The following RIMS2 variants were observed in gnomAD, a reference collection of about 807,000 sequenced individuals.
The protein encoded by RIMS2 is regulating synaptic membrane exocytosis 2, also known as regulating synaptic membrane exocytosis protein 2.
Under a neutral mutation model 174.4 loss-of-function variants are expected in RIMS2, and 59 were observed. That is an observed-to-expected ratio of 0.34 (90% CI 0.27 to 0.42). The LOEUF is 0.42. RIMS2 is among the 10% of genes least tolerant of loss of function. The pLI, the probability that RIMS2 is intolerant of heterozygous loss-of-function variation, is 1.00. For synonymous variants in RIMS2, 606 were observed against 572.5 expected, an observed-to-expected ratio of 1.06 and a Z score of -0.84; for missense variants, 1,620 against 1,666.3, an observed-to-expected ratio of 0.97 and a Z score of 0.48.
intron 19 of RIMS2, among the ~76,000 whole-genome samples, chr8:104,165,508 CGT>C (rs1029117902): frequency 5.3e-5 from 8 of 151,408 alleles, no homozygotes; most frequent in Non-Finnish European, 7.4e-5. Context: ...ATGGAATATT[CGT>C]GTGTGTCAGT....
At chr8:103,978,152 C>T (rs1007926613) in intron 16 of RIMS2, among the ~76,000 whole-genome samples, 2 of 152,184 alleles carry the variant, frequency 1.3e-5, no homozygotes, top group African/African-American at 4.8e-5. Context: ...TTTAGGAACT[C>T]AAGACAAAGA....
chr8:104,040,299 AG>A (rs2096587031), intron 19 of RIMS2, among the ~76,000 whole-genome samples: 1 of 151,650 alleles, frequency 6.6e-6, no homozygotes, highest in African/African-American at 2.4e-5. Context: ...TCTGATTCAA[AG>A]CTAAGTGTTT....
intron 16 of RIMS2, among the ~76,000 whole-genome samples, chr8:103,977,884 A>G (rs565239263): frequency 6.6e-6 from 1 of 152,342 alleles, no homozygotes; most frequent in Non-Finnish European, 1.5e-5. Context: ...GATTTGGGCA[A>G]CCTGGAAACT....
intron 19 of RIMS2, among the ~76,000 whole-genome samples, chr8:104,191,832 T>TA (rs2098999376): frequency 6.6e-6 from 1 of 152,178 alleles, no homozygotes; most frequent in East Asian, 1.9e-4. Flanking sequence ...TTTGAATTCC[T>TA]GGCCTCAGCC....
At chr8:104,169,763 A>T (rs768846152) in intron 19 of RIMS2, among the ~76,000 whole-genome samples, 1 of 151,874 alleles carries the variant, frequency 6.6e-6, no homozygotes, top group South Asian at 2.1e-4. Flanking sequence ...GAGGTGTGAC[A>T]TTAGGTTGTC....
chr8:103,687,239 C>A (rs2096951995), intron 1 of RIMS2, among the ~76,000 whole-genome samples: 1 of 151,294 alleles, frequency 6.6e-6, no homozygotes, highest in Non-Finnish European at 1.5e-5. Flanking sequence ...TTATAGTATT[C>A]CTTTGTAGTC....
At chr8:103,628,463 T>G (rs1217865983) in intron 1 of RIMS2, among the ~76,000 whole-genome samples, 1 of 151,802 alleles carries the variant, frequency 6.6e-6, no homozygotes. Context: ...CAGGCAATTT[T>G]CCTGCCTTAG....
chr8:103,618,528 G>A (rs1184469054), intron 1 of RIMS2, among the ~76,000 whole-genome samples: 4 of 152,126 alleles, frequency 2.6e-5, no homozygotes, highest in Non-Finnish European at 4.4e-5. Context: ...TTGCAAAAAA[G>A]GGAGAATCTG....
rs11368780 is a variant in RIMS2, at chr8:103,770,726, AT to A, written c.698+4199del. 4.9e-3 allele frequency among the ~76,000 whole-genome samples: 731 copies of A among 147,856 alleles called. 4 individuals are homozygous for A. The highest frequency in any genetic ancestry group is 0.016 in the African/African-American group (645 of 40,410). ...CATTTAAATTTTTTTAATTAAACCTATTTTTTTTTTGTTCCTTCGTCTCCCA... is the reference window on the plus strand; with the variant it reads ...CATTTAAATTTTTTTAATTAAACCTATTTTTTTTTGTTCCTTCGTCTCCCA... On this transcript the variant is annotated intron_variant, in intron 3 of 23. Coordinates refer to ENST00000504942, the Ensembl canonical transcript of RIMS2.
At chr8:103,959,952 G>A (rs1335917849) in intron 14 of RIMS2, among the ~76,000 whole-genome samples, 1 of 152,084 alleles carries the variant, frequency 6.6e-6, no homozygotes, top group African/African-American at 2.4e-5. Flanking sequence ...AACTAGAGAA[G>A]CAAGAGCAAA....
intron 19 of RIMS2, among the ~76,000 whole-genome samples, chr8:104,192,691 AT>A (rs887399632): frequency 5.3e-5 from 8 of 152,082 alleles, no homozygotes; most frequent in Non-Finnish European, 1.2e-4. Context: ...TCCATGTGAT[AT>A]TTTTTCAAGA....
At chr8:104,198,060 C>G (rs911970518) in intron 19 of RIMS2, among the ~76,000 whole-genome samples, 20 of 152,040 alleles carry the variant, frequency 1.3e-4, no homozygotes, top group Admixed American at 1.2e-3. Context: ...AACCAATAAG[C>G]CTTTTTATGG....
chr8:104,171,859 T>C (rs984746181), intron 19 of RIMS2, among the ~76,000 whole-genome samples: 2 of 152,282 alleles, frequency 1.3e-5, no homozygotes, highest in African/African-American at 4.8e-5. Flanking sequence ...ACTTTAATGT[T>C]TATTGTTTAT....
At chr8:103,846,141 A>T (rs2098966822) in intron 3 of RIMS2, among the ~76,000 whole-genome samples, 1 of 152,146 alleles carries the variant, frequency 6.6e-6, no homozygotes, top group African/African-American at 2.4e-5. Context: ...GATGACTATA[A>T]GTCAGAATCT....
chr8:103,919,140 G>C (rs1595136468), intron 9 of RIMS2, among the ~76,000 whole-genome samples: 1 of 152,244 alleles, frequency 6.6e-6, no homozygotes, highest in East Asian at 1.9e-4. Context: ...TGAGAGTACA[G>C]TAAGGGATAT....
chr8:103,588,623 A>G (rs1425466301), intron 1 of RIMS2, among the ~76,000 whole-genome samples: 1 of 152,020 alleles, frequency 6.6e-6, no homozygotes, highest in African/African-American at 2.4e-5. Context: ...CAGTGAATTC[A>G]TTTTTGACAA....
chr8:103,702,442 A>G (rs946241537), intron 2 of RIMS2, among the ~76,000 whole-genome samples: 1 of 151,840 alleles, frequency 6.6e-6, no homozygotes, highest in Admixed American at 6.6e-5. Flanking sequence ...GCTTGATGTA[A>G]TTTCATTTGT....
intron 2 of RIMS2, among the ~76,000 whole-genome samples, chr8:103,733,667 G>T (rs1272416076): frequency 6.6e-6 from 1 of 152,146 alleles, no homozygotes; most frequent in Non-Finnish European, 1.5e-5. Context: ...CTGAGTGCTG[G>T]CTGGTGTTGC....
At chr8:104,189,666 A>G (rs2098987813) in intron 19 of RIMS2, among the ~76,000 whole-genome samples, 1 of 149,940 alleles carries the variant, frequency 6.7e-6, no homozygotes. Flanking sequence ...AAATGTATAT[A>G]TAGTCTCTCT....
Sources: allele counts gnomAD v4.1 joint callset (sites outside exome capture counted in the v4.1 genomes callset), GRCh38; gene constraint gnomAD v4.1.1; transcripts MANE v1.5; gene names NCBI Gene and HGNC (gene_info 2026-07-23, HGNC 2026-07-21).